Variants in HELZ observed in about 807,000 individuals in gnomAD.
HELZ encodes ATP-dependent RNA helicase with zinc finger domain.
A neutral mutation model predicts 218.2 loss-of-function variants in HELZ; 23 were observed. That is an observed-to-expected ratio of 0.11 (90% CI 0.08 to 0.15). The LOEUF is 0.15. HELZ is among the 10% of genes least tolerant of loss of function. The pLI, the probability that HELZ is intolerant of heterozygous loss-of-function variation, is 1.00. For synonymous variants in HELZ, 814 were observed against 829.4 expected, an observed-to-expected ratio of 0.98 and a Z score of 0.32; for missense variants, 1,813 against 2,353.7, an observed-to-expected ratio of 0.77 and a Z score of 4.75.
intron 12 of HELZ, among the ~76,000 whole-genome samples, chr17:67,181,407 G>A (rs1415122611): frequency 6.6e-6 from 1 of 152,046 alleles, no homozygotes; most frequent in Non-Finnish European, 1.5e-5. Flanking sequence ...AGGCTTTTGG[G>A]GAAAAGTGGC....
At chr17:67,221,844 T>TG (rs2040754602) in intron 3 of HELZ, among the ~76,000 whole-genome samples, 4 of 138,006 alleles carry the variant, frequency 2.9e-5, no homozygotes, top group African/African-American at 1.1e-4. Flanking sequence ...TTTTTTGTGT[T>TG]TTTTTTTTTT....
At chr17:67,228,707 C>CATTATTATT (rs375631612) in intron 3 of HELZ, among the ~76,000 whole-genome samples, 18,649 of 147,400 alleles carry the variant, frequency 0.13, 1,280 homozygotes, top group East Asian at 0.16. Flanking sequence ...CAAATTGATA[C>CATTATTATT]ATTATTATTA....
intron 17 of HELZ, among the ~76,000 whole-genome samples, chr17:67,153,226 C>T (rs1017317701): frequency 6.6e-6 from 1 of 151,832 alleles, no homozygotes; most frequent in Non-Finnish European, 1.5e-5. Context: ...TATTTTCATG[C>T]TGTACAAAGA....
At chr17:67,116,769 C>T (rs1436324764) in intron 27 of HELZ, among the ~76,000 whole-genome samples, 2 of 151,980 alleles carry the variant, frequency 1.3e-5, no homozygotes, top group African/African-American at 4.8e-5. Context: ...ATTTCAATAC[C>T]CCTCCTCAGT....
chr17:67,202,609 A>G (rs1465730479), intron 6 of HELZ, among the ~76,000 whole-genome samples: 1 of 152,240 alleles, frequency 6.6e-6, no homozygotes, highest in Non-Finnish European at 1.5e-5. Context: ...ATACAAACAG[A>G]AACAGAAGCA....
At chr17:67,194,899 A>G (rs2039984925) in intron 8 of HELZ, among the ~76,000 whole-genome samples, 1 of 150,542 alleles carries the variant, frequency 6.6e-6, no homozygotes, top group African/African-American at 2.5e-5. Flanking sequence ...ATCACCTGTC[A>G]AAAAGATGCA....
At chr17:67,153,258 A>C (rs757693049) in intron 17 of HELZ, among the ~76,000 whole-genome samples, 16 of 152,254 alleles carry the variant, frequency 1.1e-4, no homozygotes, top group Middle Eastern at 6.8e-3. Flanking sequence ...AGGAAAGAAG[A>C]AGCTGTGTAT....
chr17:67,136,875 C>A (rs897144066), intron 22 of HELZ, among the ~76,000 whole-genome samples: 2 of 152,004 alleles, frequency 1.3e-5, no homozygotes, highest in African/African-American at 2.4e-5. Context: ...ATGACTGTTG[C>A]ACAATAACGT....
intron 2 of HELZ, among the ~76,000 whole-genome samples, chr17:67,241,715 T>C (rs902148619): frequency 6.6e-6 from 1 of 152,310 alleles, no homozygotes; most frequent in Middle Eastern, 3.4e-3. Context: ...TACCAGCTAA[T>C]AGAAAGGTAC....
intron 9 of HELZ, 67 bp from the exon 10 acceptor site, chr17:67,190,422 C>G (rs2039862241): frequency 8.3e-7 from 1 of 1,206,144 alleles, no homozygotes. Context: ...AAACTCCCAG[C>G]ATTTGCCCTC....
chr17:67,191,838 C>A (rs1478922190), intron 9 of HELZ, among the ~76,000 whole-genome samples: 4 of 150,792 alleles, frequency 2.7e-5, no homozygotes, highest in African/African-American at 9.8e-5. Flanking sequence ...ATAGGCAAAG[C>A]CAGTTTTTAA....
At chr17:67,079,150 C>T (rs747902253) in intron 32 of HELZ, among the ~76,000 whole-genome samples, 48 of 152,316 alleles carry the variant, frequency 3.2e-4, no homozygotes, top group Non-Finnish European at 5.4e-4. Flanking sequence ...TAAAATTTGA[C>T]TCCATCCTTC....
rs530982536 is a variant in HELZ, at chr17:67,225,269, T to C, written c.-18-6447A>G. The C allele has an allele frequency of 1.1e-4, 22 of 208,470 alleles. 1 individual carries two copies. The East Asian group carries it at 3.1e-3, about 29-fold the overall frequency. The allele number at this position is 208,470 out of a possible 1,614,324, so 12.9% of individuals were successfully genotyped here. On this transcript the variant is annotated intron_variant, in intron 3 of 32. Transcript: ENST00000358691. ...ATAAAGTAGATATTAGAATTGTTAT[T>C]ATCATTCCCATTCACAGATGAGGAA...
chr17:67,098,125 C>A (rs901207243), intron 31 of HELZ, among the ~76,000 whole-genome samples: 6 of 152,132 alleles, frequency 3.9e-5, no homozygotes, highest in African/African-American at 1.4e-4. Context: ...CATAATTTTG[C>A]TTTTCCCCCA....
At chr17:67,198,311 G>T (rs902409382) in intron 7 of HELZ, among the ~76,000 whole-genome samples, 1 of 152,166 alleles carries the variant, frequency 6.6e-6, no homozygotes. Flanking sequence ...AATCAGTGAC[G>T]ACCCGCACGG....
intron 17 of HELZ, among the ~76,000 whole-genome samples, chr17:67,154,428 TA>T (rs1170962542): frequency 2.0e-5 from 3 of 151,650 alleles, no homozygotes; most frequent in South Asian, 4.2e-4. Flanking sequence ...GACTCTGTCT[TA>T]AAAAAAAATA....
rs1319999373 is a variant in HELZ at position 67,077,571 on chromosome 17, CG to C, written c.*680del. On this transcript the variant is annotated 3_prime_UTR_variant, in exon 33 of 33. Coordinates refer to ENST00000358691, the MANE Select transcript of HELZ (RefSeq NM_014877.4). ...TCCAAAAAATAACTAAGTATGCCAA[CG>C]TTTTTTTCACATTTCAAAAAACAGT... 7 of 152,134 alleles carry C rather than the reference CG, an allele frequency of 4.6e-5. No individual in the cohort carries two copies. Among genetic ancestry groups the C allele is most frequent in the Admixed American group, 1.3e-4 (2 of 15,268 alleles). 9.4% of individuals were successfully genotyped at this position (152,134 alleles called of 1,614,324 possible).
intron 31 of HELZ, among the ~76,000 whole-genome samples, chr17:67,104,581 G>A (rs1201081310): frequency 6.6e-6 from 1 of 151,912 alleles, no homozygotes; most frequent in African/African-American, 2.4e-5. Flanking sequence ...TAGCATCAAA[G>A]GACACTATCA....
At chr17:67,093,782 T>A (rs2036646536) in intron 31 of HELZ, among the ~76,000 whole-genome samples, 1 of 149,266 alleles carries the variant, frequency 6.7e-6, no homozygotes, top group South Asian at 2.1e-4. Flanking sequence ...AACTATGACA[T>A]CCTTCACTAT....
Sources: gnomAD v4.1 joint callset for allele counts (sites outside exome capture counted in the v4.1 genomes callset) on GRCh38, gnomAD v4.1.1 for gene constraint, MANE v1.5 for transcripts, NCBI Gene and HGNC (gene_info 2026-07-23, HGNC 2026-07-21) for gene names.